The following FHOD3 variants were observed in gnomAD, a reference collection of about 807,000 sequenced individuals.
The protein encoded by FHOD3 is formin homology 2 domain containing 3, also known as FH1/FH2 domain-containing protein 3.
FHOD3 carries 90 observed loss-of-function variants against 173.0 expected under a neutral mutation model. That is an observed-to-expected ratio of 0.52 (90% CI 0.44 to 0.62). The LOEUF (loss-of-function observed/expected upper bound fraction) is 0.62, where lower values mean the gene tolerates loss of function less well. FHOD3 is among the 20% of genes least tolerant of loss of function. The pLI, the probability that FHOD3 is intolerant of heterozygous loss-of-function variation, is 0.00. For synonymous variants in FHOD3, 828 were observed against 823.0 expected, an observed-to-expected ratio of 1.01 and a Z score of -0.10; for missense variants, 1,945 against 2,034.7, an observed-to-expected ratio of 0.96 and a Z score of 0.85.
At chr18:36,679,560 G>A (rs1488403238) in intron 14 of FHOD3, among the ~76,000 whole-genome samples, 2 of 151,490 alleles carry the variant, frequency 1.3e-5, no homozygotes, top group African/African-American at 2.4e-5. Context: ...CTACTTTAGA[G>A]GTATTCTACA....
At chr18:36,747,183 G>T (rs955059388) in intron 24 of FHOD3, 48 bp downstream of exon 24, 1 of 1,434,370 alleles carries the variant, frequency 7.0e-7, no homozygotes, top group East Asian at 2.4e-5. Flanking sequence ...ATGGCATATT[G>T]AAAAATTTGT....
chr18:36,698,957 T>C (rs1323920857), intron 17 of FHOD3, among the ~76,000 whole-genome samples: 1 of 152,246 alleles, frequency 6.6e-6, no homozygotes, highest in East Asian at 1.9e-4. Flanking sequence ...GCGGTAAACA[T>C]GCCTTCCGTT....
At chr18:36,404,702 T>C (rs570203968) in intron 3 of FHOD3, among the ~76,000 whole-genome samples, 5 of 152,222 alleles carry the variant, frequency 3.3e-5, no homozygotes, top group South Asian at 2.1e-4. Context: ...TCAGTGGCTA[T>C]TGGGGGGCTC....
chr18:36,433,314 C>A (rs987775135), intron 3 of FHOD3, among the ~76,000 whole-genome samples: 1 of 152,168 alleles, frequency 6.6e-6, no homozygotes, highest in African/African-American at 2.4e-5. Context: ...AACATTTACT[C>A]ATTTAAGCCT....
intron 14 of FHOD3, among the ~76,000 whole-genome samples, chr18:36,680,663 G>T (rs2038173719): frequency 6.6e-6 from 1 of 152,214 alleles, no homozygotes; most frequent in Non-Finnish European, 1.5e-5. Flanking sequence ...TCAGTGAACA[G>T]TCCAGACTCT....
At chr18:36,656,505 C>T (rs929756157) in intron 13 of FHOD3, among the ~76,000 whole-genome samples, 1 of 152,130 alleles carries the variant, frequency 6.6e-6, no homozygotes, top group Non-Finnish European at 1.5e-5. Context: ...AACAGCCAAA[C>T]TGACCAGAAT....
At chr18:36,326,060 T>C (rs2044655739) in intron 1 of FHOD3, among the ~76,000 whole-genome samples, 1 of 152,228 alleles carries the variant, frequency 6.6e-6, no homozygotes, top group Non-Finnish European at 1.5e-5. Flanking sequence ...CTGGGATCAC[T>C]CAGCAGTCAA....
intron 1 of FHOD3, among the ~76,000 whole-genome samples, chr18:36,336,848 CA>C (rs36099993): frequency 0.05 from 1,777 of 35,562 alleles, 22 homozygotes; most frequent in African/African-American, 0.14. Context: ...AACTCCGTCT[CA>C]AAAAAAAAAA....
At chr18:36,452,213 G>A (rs940332819) in intron 3 of FHOD3, among the ~76,000 whole-genome samples, 8 of 152,046 alleles carry the variant, frequency 5.3e-5, no homozygotes, top group African/African-American at 1.7e-4. Context: ...AAAGCATCTC[G>A]GGAGCCTTTT....
At position 36,297,808 on chromosome 18, in the gene FHOD3, G is replaced by T; in HGVS notation, c.-28G>T. 6.7e-7 allele frequency: 1 copy of T among 1,493,316 alleles called. No individual in the cohort carries two copies. The highest frequency in any genetic ancestry group is 8.9e-7 in the Non-Finnish European group (1 of 1,119,776). The allele number at this position is 1,493,316 out of a possible 1,614,324, so 92.5% of individuals were successfully genotyped here. On this transcript the variant is annotated 5_prime_UTR_variant, in exon 1 of 29. Transcript: ENST00000590592. ...GGCCCGCGGCCCCGCTAACCCCGGG[G>T]CCCGCGCCCCCGCGGCAGGGATGCA...
At chr18:36,346,107 T>C (rs1487117267) in intron 1 of FHOD3, among the ~76,000 whole-genome samples, 1 of 152,220 alleles carries the variant, frequency 6.6e-6, no homozygotes, top group Non-Finnish European at 1.5e-5. Context: ...GGCTCATGCC[T>C]GTAATCCCAG....
Position 36,537,640 on chromosome 18 carries a change from G to A in FHOD3, c.511+25097G>A, listed in dbSNP as rs115653282. Among the ~76,000 whole-genome samples the A allele has an allele frequency of 5.9e-3, 893 of 152,210 alleles. 7 individuals are homozygous for A. Among genetic ancestry groups the A allele is most frequent in the African/African-American group, 0.02 (851 of 41,528 alleles). On this transcript the variant is annotated intron_variant, in intron 5 of 28. Transcript: ENST00000590592. The stretch of plus-strand genomic sequence containing the variant: ...CATTACATAATGATGAAAAGTTCTG[G>A]CCACTTAAAAAGTAAAGCAATCCTA...
At chr18:36,725,077 G>T (rs2040989044) in intron 19 of FHOD3, among the ~76,000 whole-genome samples, 1 of 152,202 alleles carries the variant, frequency 6.6e-6, no homozygotes, top group Admixed American at 6.5e-5. Flanking sequence ...ACCACCCAAA[G>T]ATAGTTGTTC....
intron 1 of FHOD3, among the ~76,000 whole-genome samples, chr18:36,341,510 G>T (rs1308639132): frequency 2.6e-5 from 4 of 152,180 alleles, no homozygotes; most frequent in African/African-American, 4.8e-5. Flanking sequence ...GGCAGGTGCA[G>T]GGTCTATGAA....
At chr18:36,351,596 G>A (rs1018853391) in intron 1 of FHOD3, among the ~76,000 whole-genome samples, 3 of 152,160 alleles carry the variant, frequency 2.0e-5, no homozygotes, top group Admixed American at 2.0e-4. Flanking sequence ...ATTGAACTGT[G>A]GAAATGGTAG....
chr18:36,762,964 T>TATATA (rs1200986533), intron 27 of FHOD3, among the ~76,000 whole-genome samples: 1 of 113,916 alleles, frequency 8.8e-6, no homozygotes, highest in Non-Finnish European at 2.0e-5. Context: ...ATATACGTTA[T>TATATA]ATATGCGTAT....
At position 36,433,493 on chromosome 18, in the gene FHOD3, T is replaced by A. The variant is rs73947111; in HGVS notation, c.337+60749T>A. Among the ~76,000 whole-genome samples the A allele has an allele frequency of 6.5e-3, 997 of 152,330 alleles. 7 individuals carry two copies. Among genetic ancestry groups the A allele is most frequent in the African/African-American group, 0.023 (943 of 41,568 alleles). On this transcript the variant is annotated intron_variant, in intron 3 of 28. Coordinates refer to ENST00000590592, the MANE Select transcript of FHOD3 (RefSeq NM_001281740.3). The stretch of plus-strand genomic sequence containing the variant: ...AGAAGAAAATAGGTTAACAAATTTA[T>A]TCAATTCAACACGTTAGGATTTTAT...
chr18:36,740,929 T>C lies in FHOD3; in HGVS notation c.3759+91T>C. 2.4e-6 allele frequency: 3 copies of C among 1,276,258 alleles called. No homozygotes were observed. The South Asian group carries it at 4.8e-5, about 20-fold the overall frequency. 79.1% of individuals were successfully genotyped at this position (1,276,258 alleles called of 1,614,324 possible). ...TGATCAGTACTAAGGCAGTGAAATA[T>C]CATTCTTGGCATAGGGTACGGAGGG... On this transcript the variant is annotated intron_variant, in intron 21 of 28. Transcript: ENST00000590592.
intron 3 of FHOD3, among the ~76,000 whole-genome samples, chr18:36,489,622 T>C (rs2054363116): frequency 6.6e-6 from 1 of 152,096 alleles, no homozygotes; most frequent in Non-Finnish European, 1.5e-5. Flanking sequence ...CAGTGAGCCA[T>C]GTTCATACTC....
Sources: gnomAD v4.1 joint callset for allele counts (sites outside exome capture counted in the v4.1 genomes callset) on GRCh38, gnomAD v4.1.1 for gene constraint, MANE v1.5 for transcripts, NCBI Gene and HGNC (gene_info 2026-07-23, HGNC 2026-07-21) for gene names.